The following HEATR4 variants were observed in gnomAD, a reference collection of about 807,000 sequenced individuals.
HEATR4 encodes HEAT repeat containing 4.
Under a neutral mutation model 108.8 loss-of-function variants are expected in HEATR4, and 95 were observed. That is an observed-to-expected ratio of 0.87 (90% CI 0.74 to 1.04). HEATR4 has a LOEUF of 1.04. HEATR4 is among the 50% of genes least tolerant of loss of function. The pLI is 0.00. For synonymous variants in HEATR4, 443 were observed against 459.4 expected (o/e 0.96, Z 0.46); for missense variants, 1,152 against 1,253.8 (o/e 0.92, Z 1.23).
chr14:73,570,334 T>C, the HEATR4 span, among the ~76,000 whole-genome samples: 1 of 151,580 alleles, frequency 6.6e-6, no homozygotes, highest in African/African-American at 2.4e-5. Context: ...CTTTGGGAAG[T>C]CTCGGCGGGC....
rs369782421 is a variant in HEATR4 at position 73,509,472 on chromosome 14, G to A, written c.1560C>T (p.Asp520=). The change falls in exon 8 of 18, where the codon GAC becomes GAT. Residue 520 remains aspartate (D), a splice_region_variant and synonymous_variant. Transcript: ENST00000553558. ...CCTCCGGCAAGTCCTGGATGGTCTT[G>A]TCTGTGATCAAAAGAGCCAGGTAAG... ...PRIATSQRDS[D]KTIQDLPEVL... 9.3e-6 allele frequency: 15 copies of A among 1,613,764 alleles called. No homozygotes were observed. The highest frequency in any genetic ancestry group is 1.2e-5 in the Non-Finnish European group (14 of 1,179,976).
chr14:73,537,470 G>T lies in HEATR4; in HGVS notation c.-151-7226C>A, dbSNP rs748319004. The T allele has an allele frequency of 1.6e-5, 20 of 1,228,126 alleles. 6 individuals are homozygous for T. The highest frequency in any genetic ancestry group is 1.5e-4 in the African/African-American group (10 of 65,186). The allele number at this position is 1,228,126 out of a possible 1,614,324, so 76.1% of individuals were successfully genotyped here. ...GCCCGCGGGCCGCTGCTGCTGGGACGAACCGGTGCGAATCGCCGTGCGCGG... is the reference window on the plus strand; with the variant it reads ...GCCCGCGGGCCGCTGCTGCTGGGACTAACCGGTGCGAATCGCCGTGCGCGG... On this transcript the variant is annotated intron_variant, in intron 1 of 17. Coordinates refer to ENST00000553558, the MANE Select transcript of HEATR4 (RefSeq NM_001220484.1).
At chr14:73,559,033 A>G (rs1334865825), upstream of HEATR4, 3 of 151,956 alleles carry the variant, frequency 2.0e-5, no homozygotes, top group East Asian at 5.8e-4. Flanking sequence ...AGTCGGGGGT[A>G]TATCTTCAAC....
upstream of HEATR4, among the ~76,000 whole-genome samples, chr14:73,559,181 T>C (rs1889463736): frequency 6.6e-6 from 1 of 151,964 alleles, no homozygotes; most frequent in Non-Finnish European, 1.5e-5. Context: ...TTGCCTAGGC[T>C]GGAGTGCAGT....
the HEATR4 span, among the ~76,000 whole-genome samples, chr14:73,621,761 C>CTTTTTTT: frequency 4.7e-4 from 51 of 109,538 alleles, no homozygotes; most frequent in East Asian, 8.3e-4. Context: ...TTCTTTCTTT[C>CTTTTTTT]TTTTTTTTTT....
intron 10 of HEATR4, among the ~76,000 whole-genome samples, chr14:73,504,523 C>T (rs557780351): frequency 8.5e-5 from 13 of 152,118 alleles, no homozygotes; most frequent in South Asian, 6.2e-4. Context: ...ATTACAGGTG[C>T]GAGCCACTGT....
Position 73,557,356 on chromosome 14 carries a change from G to A in HEATR4, c.-152+1395C>T, listed in dbSNP as rs530597750. Among the ~76,000 whole-genome samples, 4 of 111,036 alleles carry A rather than the reference G, an allele frequency of 3.6e-5. 1 individual carries two copies. The South Asian group carries it at 1.2e-3, about 32-fold the overall frequency. The allele number at this position is 111,036 out of a possible 152,430, so 72.8% of individuals were successfully genotyped here. A position where few individuals can be genotyped will look rare whatever the true frequency, so the allele number is the denominator to read the frequency against. On this transcript the variant is annotated intron_variant, in intron 1 of 17. Transcript: ENST00000553558. ...AACTCAAACTGGGTAGTATCTCAGA[G>A]ATTCCAAATTTAGTTCCACTTTTCT...
the HEATR4 span, among the ~76,000 whole-genome samples, chr14:73,584,942 A>T: frequency 1.3e-5 from 2 of 151,230 alleles, no homozygotes; most frequent in African/African-American, 4.9e-5. Flanking sequence ...ATCCCGTAAC[A>T]CCTTGGGCCC....
chr14:73,498,367 T>G (rs1886228295), intron 13 of HEATR4, 23 bp from the exon 14 acceptor site: 2 of 1,562,184 alleles, frequency 1.3e-6, no homozygotes, highest in Non-Finnish European at 1.7e-6. Flanking sequence ...GAGGGCAGCA[T>G]GTCACTGAAG....
intron 2 of HEATR4, among the ~76,000 whole-genome samples, chr14:73,526,206 G>A (rs1440820092): frequency 3.3e-5 from 5 of 152,166 alleles, no homozygotes; most frequent in Non-Finnish European, 7.4e-5. Flanking sequence ...ACTACACTGA[G>A]CAGAATTCTG....
chr14:73,575,333 T>C, the HEATR4 span: 2 of 906,454 alleles, frequency 2.2e-6, no homozygotes, highest in South Asian at 1.8e-5. Context: ...GGCACTATAT[T>C]GAGCCTCCTT....
chr14:73,566,681 G>A, the HEATR4 span, among the ~76,000 whole-genome samples: 2 of 152,276 alleles, frequency 1.3e-5, no homozygotes, highest in East Asian at 3.9e-4. Flanking sequence ...GCCCGCAAGT[G>A]CGGAACGCAG....
intron 9 of HEATR4, among the ~76,000 whole-genome samples, chr14:73,507,806 G>T (rs1886949364): frequency 6.6e-6 from 1 of 152,072 alleles, no homozygotes; most frequent in African/African-American, 2.4e-5. Flanking sequence ...GTAGTGGCGT[G>T]ATCTCAGCTC....
intron 16 of HEATR4, 109 bp downstream of exon 16, chr14:73,495,119 C>A: frequency 1.1e-6 from 1 of 913,212 alleles, no homozygotes; most frequent in Non-Finnish European, 1.7e-6. Flanking sequence ...AGTACCCTTT[C>A]CTGACTCTTT....
chr14:73,629,926 C>T, the HEATR4 span, among the ~76,000 whole-genome samples: 27 of 151,714 alleles, frequency 1.8e-4, no homozygotes, highest in African/African-American at 3.9e-4. Flanking sequence ...GGATTACAGA[C>T]GTGAACCACC....
chr14:73,603,509 C>T, the HEATR4 span, among the ~76,000 whole-genome samples: 1 of 152,034 alleles, frequency 6.6e-6, no homozygotes, highest in South Asian at 2.1e-4. Context: ...CGCATGCTAC[C>T]ATGCCCTGCT....
the HEATR4 span, among the ~76,000 whole-genome samples, chr14:73,570,726 G>A: frequency 5.3e-5 from 8 of 151,776 alleles, no homozygotes; most frequent in African/African-American, 1.9e-4. Flanking sequence ...CCAACATGGT[G>A]AAACCCCATC....
At chr14:73,567,399 A>G in the HEATR4 span, among the ~76,000 whole-genome samples, 13 of 152,068 alleles carry the variant, frequency 8.5e-5, no homozygotes, top group Non-Finnish European at 1.0e-4. Context: ...TTGTCTAGCT[A>G]AAGGATTGTA....
chr14:73,591,733 G>T, the HEATR4 span: 1 of 417,274 alleles, frequency 2.4e-6, no homozygotes, highest in South Asian at 1.1e-4. Context: ...CGCGCCCCGG[G>T]GCCCAAGGAG....
Sources: allele counts gnomAD v4.1 joint callset (sites outside exome capture counted in the v4.1 genomes callset), GRCh38; gene constraint gnomAD v4.1.1; transcripts MANE v1.5; gene names NCBI Gene and HGNC (gene_info 2026-07-23, HGNC 2026-07-21).